The following RNF217 variants were observed in gnomAD, a reference collection of about 807,000 sequenced individuals.
RNF217 encodes the protein E3 ubiquitin-protein ligase RNF217.
Under a neutral mutation model 57.8 loss-of-function variants are expected in RNF217, and 31 were observed. That is an observed-to-expected ratio of 0.54 (90% CI 0.40 to 0.72). The LOEUF is 0.72. Among genes scored for constraint, RNF217 ranks in the 30% least tolerant of loss-of-function variants. The pLI, the probability that RNF217 is intolerant of heterozygous loss-of-function variation, is 0.00. For missense variants in RNF217, 696 were observed against 708.3 expected (o/e 0.98, Z 0.20); for synonymous variants, 313 against 294.0 (o/e 1.06, Z -0.66).
Position 125,086,457 on chromosome 6 carries a change from T to C in RNF217, c.*3520T>C, listed in dbSNP as rs1788774648. 6.6e-6 allele frequency: 1 copy of C among 152,120 alleles called. No homozygotes were observed. Among genetic ancestry groups the C allele is most frequent in the Admixed American group, 6.6e-5 (1 of 15,250 alleles). 9.4% of individuals were successfully genotyped at this position (152,120 alleles called of 1,614,324 possible). The stretch of plus-strand genomic sequence containing the variant: ...TTGGTGATACTTTTCGCATTTTTAG[T>C]AACACTATCCACTTTTGTGTATGTT... On this transcript the variant is annotated 3_prime_UTR_variant, in exon 6 of 6. Coordinates refer to ENST00000521654, the MANE Select transcript of RNF217 (RefSeq NM_001286398.3).
intron 1 of RNF217, among the ~76,000 whole-genome samples, chr6:125,026,537 A>G (rs1260965246): frequency 6.6e-6 from 1 of 152,240 alleles, no homozygotes; most frequent in African/African-American, 2.4e-5. Flanking sequence ...GAGCATTGAG[A>G]GCGTAAACGT....
At position 125,085,591 on chromosome 6, in the gene RNF217, T is replaced by C. The variant is rs932579074; in HGVS notation, c.*2654T>C. The C allele has an allele frequency of 6.6e-6, 1 of 151,216 alleles. No individual in the cohort carries two copies. The highest frequency in any genetic ancestry group is 2.5e-5 in the African/African-American group (1 of 40,756). The allele number at this position is 151,216 out of a possible 1,614,324, so 9.4% of individuals were successfully genotyped here. A position where few individuals can be genotyped will look rare whatever the true frequency, so the allele number is the denominator to read the frequency against. On this transcript the variant is annotated 3_prime_UTR_variant, in exon 6 of 6. Transcript: ENST00000521654. ...TTTAAAAAGAAGCGTGCACATAAAA[T>C]AAATATCTTTCTATCCAAGGCTTGT...
chr6:124,988,628 T>A (rs1282104007), intron 1 of RNF217, among the ~76,000 whole-genome samples: 1 of 152,270 alleles, frequency 6.6e-6, no homozygotes, highest in Non-Finnish European at 1.5e-5. Context: ...TTTTCTATCC[T>A]ACATTTTTGC....
At chr6:125,034,477 G>C (rs868227042) in intron 1 of RNF217, among the ~76,000 whole-genome samples, 412 of 151,940 alleles carry the variant, frequency 2.7e-3, no homozygotes, top group African/African-American at 8.3e-3. Context: ...GCTTGTTTTT[G>C]TCAGGTTTGT....
chr6:125,077,575 C>A (rs1788425843), intron 4 of RNF217, among the ~76,000 whole-genome samples: 1 of 152,154 alleles, frequency 6.6e-6, no homozygotes, highest in African/African-American at 2.4e-5. Context: ...AAACAAATCA[C>A]CCTGGCCAAA....
chr6:125,047,456 G>A (rs1277429719), intron 2 of RNF217, among the ~76,000 whole-genome samples: 1 of 152,012 alleles, frequency 6.6e-6, no homozygotes, highest in South Asian at 2.1e-4. Context: ...TTCTATATTT[G>A]TGTAATTTTG....
In RNF217 at chr6:125,076,778, A is replaced by G; in HGVS notation, c.1403A>G (p.Asn468Ser). 1 of 1,613,696 alleles carries G rather than the reference A, an allele frequency of 6.2e-7. No homozygotes were observed. Among genetic ancestry groups the G allele is most frequent in the Non-Finnish European group, 8.5e-7 (1 of 1,179,764 alleles). The change falls in exon 4 of 6, where the codon AAC becomes AGC. Residue 468 changes from asparagine to serine, a missense_variant. By Grantham distance (46) the Asn-to-Ser change is conservative (BLOSUM62 1). This residue lies in a region of RNF217 where 231 missense variants were observed against 321.4 expected (regional missense o/e 0.72). Transcript: ENST00000521654. ...QLRFFGDHTS[N>S]LSIFGCKYRY... is the part of the protein sequence containing the mutation. ...CGATTTTTTGGAGACCACACATCAA[A>G]CCTCAGTATATTTGGATGCAAATAT...
At chr6:125,044,786 C>G (rs1280422654) in intron 1 of RNF217, among the ~76,000 whole-genome samples, 1 of 152,044 alleles carries the variant, frequency 6.6e-6, no homozygotes, top group Non-Finnish European at 1.5e-5. Context: ...CTGAAGTATT[C>G]TGCAGTGATG....
chr6:124,974,357 A>G (rs969343129), intron 1 of RNF217, among the ~76,000 whole-genome samples: 2 of 152,198 alleles, frequency 1.3e-5, no homozygotes, highest in Admixed American at 6.5e-5. Context: ...TTTCCAATTC[A>G]TATCATTCTA....
At chr6:125,002,482 G>C (rs9491275) in intron 1 of RNF217, among the ~76,000 whole-genome samples, 38,964 of 152,002 alleles carry the variant, frequency 0.26, 5,545 homozygotes, top group East Asian at 0.42. Flanking sequence ...AGAATTGCTT[G>C]CTTCTCTATG....
At chr6:125,038,486 A>G (rs765581679) in intron 1 of RNF217, among the ~76,000 whole-genome samples, 1 of 152,158 alleles carries the variant, frequency 6.6e-6, no homozygotes, top group Non-Finnish European at 1.5e-5. Context: ...GGAGGGCCAT[A>G]TTATTCAGGG....
intron 1 of RNF217, among the ~76,000 whole-genome samples, chr6:125,036,480 C>T (rs1029129655): frequency 5.3e-5 from 8 of 151,918 alleles, no homozygotes; most frequent in South Asian, 4.1e-4. Flanking sequence ...TTCCTGGTTC[C>T]AGATCCAAAA....
At position 124,984,541 on chromosome 6, in the gene RNF217, CAAAAAAAA is replaced by C. The variant is rs750251821; in HGVS notation, c.882+21128_882+21135del. On this transcript the variant is annotated intron_variant, in intron 1 of 5. Transcript: ENST00000521654. ...TGGACAACAGACTGAGACCCTTTCT[CAAAAAAAA>C]AAAAAAAAAAAAGAAAGAAAGAAAA... 5.8e-3 allele frequency among the ~76,000 whole-genome samples: 433 copies of C among 74,232 alleles called. 3 individuals carry two copies. The highest frequency in any genetic ancestry group is 0.018 in the African/African-American group (391 of 21,628). 48.7% of individuals were successfully genotyped at this position (74,232 alleles called of 152,430 possible).
chr6:125,023,552 G>A (rs927759805), intron 1 of RNF217, among the ~76,000 whole-genome samples: 8 of 152,150 alleles, frequency 5.3e-5, no homozygotes, highest in Admixed American at 4.6e-4. Context: ...ACTGCCAGAT[G>A]ATCCAGAATC....
intron 1 of RNF217, among the ~76,000 whole-genome samples, chr6:125,034,205 G>T (rs945939760): frequency 6.6e-6 from 1 of 152,040 alleles, no homozygotes; most frequent in African/African-American, 2.4e-5. Flanking sequence ...TTTAATTGGA[G>T]CCCATTTGTC....
chr6:125,048,623 T>G (rs1040923862), intron 2 of RNF217, among the ~76,000 whole-genome samples: 1 of 152,076 alleles, frequency 6.6e-6, no homozygotes, highest in Non-Finnish European at 1.5e-5. Context: ...TTCAACTGTT[T>G]GAAAATATTA....
At chr6:125,077,877 C>T (rs528706101) in intron 4 of RNF217, among the ~76,000 whole-genome samples, 1 of 152,204 alleles carries the variant, frequency 6.6e-6, no homozygotes, top group South Asian at 2.1e-4. Flanking sequence ...TGTTGTGAAC[C>T]ATTTTCCTCC....
At chr6:125,075,107 A>T (rs2114638663) in intron 3 of RNF217, among the ~76,000 whole-genome samples, 1 of 152,302 alleles carries the variant, frequency 6.6e-6, no homozygotes, top group East Asian at 1.9e-4. Context: ...ATGCAGCCCA[A>T]CACTAATTTG....
intron 1 of RNF217, among the ~76,000 whole-genome samples, chr6:125,009,985 C>CTT (rs66917505): frequency 7.2e-6 from 1 of 138,956 alleles, no homozygotes; most frequent in Non-Finnish European, 1.6e-5. Flanking sequence ...GCTTAGCATT[C>CTT]TTTTTTTTTT....
Sources: gnomAD v4.1 joint callset for allele counts (sites outside exome capture counted in the v4.1 genomes callset) on GRCh38, gnomAD v4.1.1 for gene constraint, gnomAD v4.1.1 regional missense constraint, MANE v1.5 for transcripts, NCBI Gene and HGNC (gene_info 2026-07-23, HGNC 2026-07-21) for gene names.